Variants in FAN1 observed in about 807,000 individuals in gnomAD.
FAN1 encodes the protein FANCD2 and FANCI associated nuclease 1, also known as fanconi-associated nuclease 1.
A neutral mutation model predicts 104.9 loss-of-function variants in FAN1; 91 were observed. The observed-to-expected ratio is 0.87, with a 90% CI of 0.73 to 1.03. The LOEUF is 1.03. FAN1 is among the 50% of genes least tolerant of loss of function. The pLI, the probability that FAN1 is intolerant of heterozygous loss-of-function variation, is 0.00. For missense variants in FAN1, 1,263 were observed against 1,239.9 expected (o/e 1.02, Z -0.28); for synonymous variants, 478 against 457.6 (o/e 1.04, Z -0.57).
At chr15:30,928,149 C>A in intron 10 of FAN1, 1 of 1,013,086 alleles carries the variant, frequency 9.9e-7, no homozygotes, top group Non-Finnish European at 1.2e-6. Flanking sequence ...GGCCCAGGGA[C>A]CTCCGGCATC....
intron 12 of FAN1, 71 bp downstream of exon 12, chr15:30,929,468 C>T: frequency 8.2e-7 from 1 of 1,221,758 alleles, no homozygotes; most frequent in South Asian, 1.5e-5. Flanking sequence ...TTTTCAGCAA[C>T]TTTATCAAAA....
chr15:30,941,686 G>A lies in FAN1; in HGVS notation c.*124G>A. 6.2e-7 allele frequency: 1 copy of A among 1,613,778 alleles called. No homozygotes were observed. The highest frequency in any genetic ancestry group is 8.5e-7 in the Non-Finnish European group (1 of 1,179,802). On this transcript the variant is annotated 3_prime_UTR_variant, in exon 15 of 15. Coordinates refer to ENST00000362065, the MANE Select transcript of FAN1 (RefSeq NM_014967.5). ...TGCTCTGGCCCAGCTCCCCATAGCA[G>A]GCCTCCAGGGGGCCACTGCGCTGTT...
intron 10 of FAN1, chr15:30,927,798 G>C: frequency 1.0e-6 from 1 of 985,808 alleles, no homozygotes. Context: ...ATGAGCTGGG[G>C]CTTGCTCAGG....
chr15:30,935,347 C>A (rs150216665), intron 13 of FAN1, among the ~76,000 whole-genome samples: 1 of 152,012 alleles, frequency 6.6e-6, no homozygotes. Flanking sequence ...ATTTCCATGT[C>A]TAGAAGTTCT....
rs111476645 is a variant in FAN1, at chr15:30,922,253, G to C, written c.2071G>C (p.Glu691Gln). ...GCAATAGGAAGCCGTCAGAGAACTTGAAAGCCTTTTGTCTCAGAGAATTTA... is the reference window on the plus strand; with the variant it reads ...GCAATAGGAAGCCGTCAGAGAACTTCAAAGCCTTTTGTCTCAGAGAATTTA... ...HMYEEAVREL[E>Q]SLLSQRIYCP... is the part of the protein sequence containing the mutation. The change falls in exon 8 of 15, where the codon GAA becomes CAA. Residue 691 changes from glutamate to glutamine, a missense_variant. Around this residue, in one of 2 missense-constraint regions of FAN1, gnomAD observed 581 missense variants for 668.8 expected, o/e 0.87. Transcript: ENST00000362065. The C allele has an allele frequency of 2.8e-4, 457 of 1,610,370 alleles. 2 individuals carry two copies. In the African/African-American group the frequency reaches 4.5e-3, roughly 16 times the overall value.
intron 8 of FAN1, among the ~76,000 whole-genome samples, chr15:30,923,751 C>A (rs1398979712): frequency 6.6e-6 from 1 of 152,256 alleles, no homozygotes; most frequent in Non-Finnish European, 1.5e-5. Flanking sequence ...TCATTTCCTT[C>A]AGCCACTCAA....
intron 13 of FAN1, among the ~76,000 whole-genome samples, chr15:30,936,626 C>T (rs1319626948): frequency 2.0e-5 from 3 of 150,636 alleles, no homozygotes; most frequent in Non-Finnish European, 4.4e-5. Context: ...GCCTTATGTC[C>T]TGATAAATCC....
chr15:30,912,657 A>G (rs962944750), intron 4 of FAN1, among the ~76,000 whole-genome samples: 2 of 152,188 alleles, frequency 1.3e-5, no homozygotes, highest in Non-Finnish European at 2.9e-5. Flanking sequence ...CTTCTGCACC[A>G]GAAGGGTGTG....
chr15:30,923,007 C>T (rs1456384346), intron 8 of FAN1, among the ~76,000 whole-genome samples: 1 of 152,242 alleles, frequency 6.6e-6, no homozygotes, highest in South Asian at 2.1e-4. Flanking sequence ...GTGTGGCCGC[C>T]AGCAGGCCCC....
At chr15:30,941,269 G>A in intron 14 of FAN1, 1 of 1,482,722 alleles carries the variant, frequency 6.7e-7, no homozygotes, top group Non-Finnish European at 9.0e-7. Context: ...ATGACAGAAA[G>A]AGGACAGGAA....
At chr15:30,914,124 A>ATG (rs2062153044) in intron 5 of FAN1, 33 bp downstream of exon 5, 1 of 1,420,066 alleles carries the variant, frequency 7.0e-7, no homozygotes, top group Non-Finnish European at 9.8e-7. Flanking sequence ...TAATGTCTAT[A>ATG]TGTGTATTTC....
intron 2 of FAN1, among the ~76,000 whole-genome samples, chr15:30,907,517 T>C (rs1030020304): frequency 1.8e-4 from 26 of 146,698 alleles, no homozygotes; most frequent in African/African-American, 6.8e-4. Context: ...AAACTCCATC[T>C]CAAAAAAAAC....
intron 8 of FAN1, 30 bp downstream of exon 8, chr15:30,922,384 C>A: frequency 2.5e-6 from 4 of 1,572,142 alleles, no homozygotes; most frequent in Non-Finnish European, 3.4e-6. Flanking sequence ...ATCTGAAACA[C>A]CTTTTCATTT....
At chr15:30,914,142 A>T in intron 5 of FAN1, 51 bp downstream of exon 5, 2 of 1,320,736 alleles carry the variant, frequency 1.5e-6, no homozygotes, top group Non-Finnish European at 2.1e-6. Context: ...TTCACAATTT[A>T]GTAAAAGGTT....
At chr15:30,911,608 A>T in intron 4 of FAN1, 1 of 946,506 alleles carries the variant, frequency 1.1e-6, no homozygotes, top group Non-Finnish European at 1.3e-6. Flanking sequence ...AAAGTACTTC[A>T]ATAAATTACA....
In FAN1 at chr15:30,941,592, A is replaced by G; in HGVS notation, c.*30A>G. 6.3e-7 allele frequency: 1 copy of G among 1,599,780 alleles called. No individual in the cohort carries two copies. Among genetic ancestry groups the G allele is most frequent in the Non-Finnish European group, 8.5e-7 (1 of 1,172,718 alleles). On this transcript the variant is annotated 3_prime_UTR_variant, in exon 15 of 15. Coordinates refer to ENST00000362065, the MANE Select transcript of FAN1 (RefSeq NM_014967.5). ...TTCCCTACAGGAGAAAATGGAAATGAGGAGGAGAGAAACTCCGGTGTCCCC... is the reference window on the plus strand; with the variant it reads ...TTCCCTACAGGAGAAAATGGAAATGGGGAGGAGAGAAACTCCGGTGTCCCC...
intron 14 of FAN1, chr15:30,939,299 A>G (rs139218547): frequency 2.0e-6 from 2 of 985,504 alleles, no homozygotes; most frequent in African/African-American, 1.7e-5. Context: ...CCAGTGCATC[A>G]GCATCTGTGC....
Position 30,910,616 on chromosome 15 carries a change from T to A in FAN1, c.1378T>A (p.Ser460Thr). 2 of 1,531,548 alleles carry A rather than the reference T, an allele frequency of 1.3e-6. No homozygotes were observed. The highest frequency in any genetic ancestry group is 1.8e-6 in the Non-Finnish European group (2 of 1,137,382). 94.9% of individuals were successfully genotyped at this position (1,531,548 alleles called of 1,614,324 possible). A position where few individuals can be genotyped will look rare whatever the true frequency, so the allele number is the denominator to read the frequency against. The change falls in exon 4 of 15, where the codon TCT (serine) becomes ACT (threonine). Residue 460 changes from serine (S) to threonine (T), a missense_variant and splice_region_variant. Ser to Thr is a moderately conservative substitution (Grantham distance 58). Coordinates refer to ENST00000362065, the MANE Select transcript of FAN1 (RefSeq NM_014967.5). ...LTNAGFLQTESELQELSEVLE... is the reference protein window; with the variant it reads ...LTNAGFLQTETELQELSEVLE... Reference sequence around the variant, plus strand: ...ACTTTTTTTTTTAACCATTTCAGAATCTGAGTTGCAAGAACTCTCTGAAGT... The same window carrying A: ...ACTTTTTTTTTTAACCATTTCAGAAACTGAGTTGCAAGAACTCTCTGAAGT...
Position 30,914,365 on chromosome 15 carries a change from TTTTG to T in FAN1, c.1811+288_1811+291del, listed in dbSNP as rs1396566270. Among the ~76,000 whole-genome samples, 5 of 152,204 alleles carry T rather than the reference TTTTG, an allele frequency of 3.3e-5. No individual in the cohort carries two copies. In the East Asian group the frequency reaches 5.8e-4, roughly 18 times the overall value. On this transcript the variant is annotated intron_variant, in intron 5 of 14. Transcript: ENST00000362065. ...CCAAGTACCTTTGGAAGGGAGTATTTTTTGTTTGTTTGTTTGTCTTAATTTGAGA... is the reference window on the plus strand; with the variant it reads ...CCAAGTACCTTTGGAAGGGAGTATTTTTTGTTTGTTTGTCTTAATTTGAGA...
Sources: allele counts gnomAD v4.1 joint callset (sites outside exome capture counted in the v4.1 genomes callset), GRCh38; gene constraint gnomAD v4.1.1; regional missense constraint gnomAD v4.1.1; transcripts MANE v1.5; gene names NCBI Gene and HGNC (gene_info 2026-07-23, HGNC 2026-07-21).